Variants in RTKN2 observed in about 807,000 individuals in gnomAD.
RTKN2 encodes the protein rhotekin-2.
RTKN2 carries 69 observed loss-of-function variants against 71.5 expected under a neutral mutation model. The ratio of observed to expected loss-of-function variants is 0.96; its 90% confidence interval spans 0.79 to 1.18. The LOEUF is 1.18. Ranked by LOEUF, RTKN2 falls within the 50% of genes most tolerant of loss-of-function variation. The probability of loss-of-function intolerance (pLI) is 0.00; values close to 1 mark genes in which losing one functional copy is unlikely to be tolerated. For synonymous variants in RTKN2, 236 were observed against 236.5 expected, an observed-to-expected ratio of 1.00 and a Z score of 0.02; for missense variants, 724 against 719.7, an observed-to-expected ratio of 1.01 and a Z score of -0.07.
intron 9 of RTKN2, 90 bp from the exon 10 acceptor site, chr10:62,205,112 A>G: frequency 1.1e-6 from 1 of 933,168 alleles, no homozygotes; most frequent in South Asian, 1.7e-5. Flanking sequence ...CCATATTTAT[A>G]CCTGATGTAA....
rs1841292393 is a variant in RTKN2, at chr10:62,194,950, A to G, written c.*2958T>C. 1.0e-6 allele frequency: 1 copy of G among 985,316 alleles called. No homozygotes were observed. Among genetic ancestry groups the G allele is most frequent in the Admixed American group, 6.2e-5 (1 of 16,246 alleles). 61.0% of individuals were successfully genotyped at this position (985,316 alleles called of 1,614,324 possible). A position where few individuals can be genotyped will look rare whatever the true frequency, so the allele number is the denominator to read the frequency against. On this transcript the variant is annotated 3_prime_UTR_variant, in exon 12 of 12. Transcript: ENST00000373789. The stretch of plus-strand genomic sequence containing the variant: ...ACTGCAGACAGTTAAGGAGGATTTA[A>G]CAAAACTCAGCAAGAGTTGGCACGC...
At chr10:62,225,184 C>G (rs1841994681) in intron 6 of RTKN2, among the ~76,000 whole-genome samples, 1 of 152,152 alleles carries the variant, frequency 6.6e-6, no homozygotes, top group Non-Finnish European at 1.5e-5. Flanking sequence ...TGAGAAAACT[C>G]GAGGCTGACA....
intron 6 of RTKN2, among the ~76,000 whole-genome samples, chr10:62,230,267 G>A (rs1327187836): frequency 3.9e-5 from 6 of 152,032 alleles, no homozygotes; most frequent in East Asian, 1.9e-4. Flanking sequence ...TGCCTCCTGC[G>A]TTCAAGCGAT....
Position 62,197,584 on chromosome 10 carries a change from A to G in RTKN2, c.*324T>C. On this transcript the variant is annotated 3_prime_UTR_variant, in exon 12 of 12. Coordinates refer to ENST00000373789, the MANE Select transcript of RTKN2 (RefSeq NM_145307.4). ...TAAATTACTAGACAGTCTCTCCCCA[A>G]AAGAAATTTTAATGCTTTATTCTGC... The G allele has an allele frequency of 2.9e-6, 3 of 1,050,966 alleles. No individual in the cohort carries two copies. The highest frequency in any genetic ancestry group is 4.5e-4 in the Middle Eastern group (1 of 2,208). 65.1% of individuals were successfully genotyped at this position (1,050,966 alleles called of 1,614,324 possible). A position where few individuals can be genotyped will look rare whatever the true frequency, so the allele number is the denominator to read the frequency against.
At chr10:62,200,384 A>G (rs1841418739) in intron 10 of RTKN2, among the ~76,000 whole-genome samples, 1 of 150,568 alleles carries the variant, frequency 6.6e-6, no homozygotes, top group African/African-American at 2.4e-5. Context: ...AAAAAAAAAA[A>G]AAGAAAAAAG....
At chr10:62,259,347 T>C (rs1418808722) in intron 2 of RTKN2, 2 of 267,820 alleles carry the variant, frequency 7.5e-6, no homozygotes, top group South Asian at 3.1e-5. Flanking sequence ...TCTCCATTTT[T>C]AATGTGATAT....
chr10:62,247,671 T>C (rs1842504507), intron 2 of RTKN2, among the ~76,000 whole-genome samples: 1 of 152,004 alleles, frequency 6.6e-6, no homozygotes. Flanking sequence ...AAAAGTTCAA[T>C]TCAACAGTTC....
chr10:62,220,333 T>G (rs1841878928), intron 7 of RTKN2, among the ~76,000 whole-genome samples: 1 of 152,114 alleles, frequency 6.6e-6, no homozygotes, highest in Admixed American at 6.5e-5. Flanking sequence ...ATACATACAA[T>G]TCCAAAATGC....
At chr10:62,212,114 AT>A (rs1297451067) in intron 9 of RTKN2, among the ~76,000 whole-genome samples, 1 of 55,774 alleles carries the variant, frequency 1.8e-5, no homozygotes, top group Non-Finnish European at 3.0e-5. Flanking sequence ...TAAAAAAAAA[AT>A]ATATATATAT....
chr10:62,265,825 A>G (rs1472952220), intron 1 of RTKN2, among the ~76,000 whole-genome samples: 2 of 152,178 alleles, frequency 1.3e-5, no homozygotes, highest in African/African-American at 4.8e-5. Flanking sequence ...TCATGTAATA[A>G]GGGTACCGAT....
chr10:62,242,923 G>C (rs1156665766), intron 3 of RTKN2, among the ~76,000 whole-genome samples: 1 of 152,066 alleles, frequency 6.6e-6, no homozygotes, highest in Admixed American at 6.6e-5. Flanking sequence ...GAGCCACTGT[G>C]CTGGGCCTAC....
At chr10:62,213,600 TATG>T (rs1394397954) in intron 9 of RTKN2, among the ~76,000 whole-genome samples, 2 of 152,148 alleles carry the variant, frequency 1.3e-5, no homozygotes, top group Non-Finnish European at 2.9e-5. Context: ...ATAATGGTAT[TATG>T]ATTATGTATA....
At chr10:62,243,899 G>A (rs1325448667) in intron 3 of RTKN2, among the ~76,000 whole-genome samples, 1 of 152,146 alleles carries the variant, frequency 6.6e-6, no homozygotes, top group Non-Finnish European at 1.5e-5. Context: ...TTGGTGAACT[G>A]ATTTGGTTTA....
At chr10:62,267,446 G>C (rs1247546337) in intron 1 of RTKN2, among the ~76,000 whole-genome samples, 1 of 152,100 alleles carries the variant, frequency 6.6e-6, no homozygotes, top group Non-Finnish European at 1.5e-5. Context: ...GATTTTGTTA[G>C]CAATCAGGAC....
chr10:62,238,647 G>A (rs1842307982), intron 5 of RTKN2: 1 of 151,922 alleles, frequency 6.6e-6, no homozygotes, highest in Non-Finnish European at 1.5e-5. Context: ...AATTCCTTTG[G>A]TTCAATACAG....
At chr10:62,266,711 A>G (rs1390114337) in intron 1 of RTKN2, among the ~76,000 whole-genome samples, 1 of 152,228 alleles carries the variant, frequency 6.6e-6, no homozygotes, top group East Asian at 1.9e-4. Flanking sequence ...ACAAAGGATA[A>G]TAACAACAAT....
chr10:62,255,178 T>G (rs796508501), intron 2 of RTKN2, among the ~76,000 whole-genome samples: 1 of 152,194 alleles, frequency 6.6e-6, no homozygotes, highest in Non-Finnish European at 1.5e-5. Flanking sequence ...TTATTGTCAG[T>G]AATAATATTG....
intron 9 of RTKN2, among the ~76,000 whole-genome samples, chr10:62,209,830 G>A (rs1316340797): frequency 6.6e-6 from 1 of 152,156 alleles, no homozygotes; most frequent in Non-Finnish European, 1.5e-5. Context: ...ATTCCATGGT[G>A]TATGTGTACC....
At chr10:62,263,906 A>C (rs961758136) in intron 1 of RTKN2, among the ~76,000 whole-genome samples, 1 of 152,178 alleles carries the variant, frequency 6.6e-6, no homozygotes, top group African/African-American at 2.4e-5. Flanking sequence ...TATAAGTTTC[A>C]CACGCAACAT....
Sources: gnomAD v4.1 joint callset for allele counts (sites outside exome capture counted in the v4.1 genomes callset) on GRCh38, gnomAD v4.1.1 for gene constraint, MANE v1.5 for transcripts, NCBI Gene and HGNC (gene_info 2026-07-23, HGNC 2026-07-21) for gene names.